Variants in SLC8B1 observed in about 807,000 individuals in gnomAD.
SLC8B1 encodes mitochondrial sodium/calcium exchanger protein.
A neutral mutation model predicts 63.4 loss-of-function variants in SLC8B1; 52 were observed. The observed-to-expected ratio is 0.82, with a 90% CI of 0.66 to 1.03. The LOEUF (loss-of-function observed/expected upper bound fraction) is 1.03. Among genes scored for constraint, SLC8B1 ranks in the 50% least tolerant of loss-of-function variants. The pLI is 0.00. For synonymous variants in SLC8B1, 336 were observed against 323.9 expected (o/e 1.04, Z -0.40); for missense variants, 657 against 741.7 (o/e 0.89, Z 1.33).
At chr12:113,309,560 T>C (rs1956726848) in intron 12 of SLC8B1, among the ~76,000 whole-genome samples, 1 of 152,074 alleles carries the variant, frequency 6.6e-6, no homozygotes, top group Admixed American at 6.6e-5. Flanking sequence ...TTGAGAGTAG[T>C]CTGGGCAACA....
Position 113,321,319 on chromosome 12 carries a change from A to G in SLC8B1, c.186T>C (p.Ser62=), listed in dbSNP as rs372252488. ...TGGTCCGGATGAAGTCACAGCGGTC[A>G]GAGACATTCAGGCCACACACCTTGC... ...DCRKVCGLNV[S]DRCDFIRTNP... The change falls in exon 3 of 16, where the codon TCT becomes TCC. Residue 62 remains serine (S), a synonymous_variant. Transcript: ENST00000680972. The G allele has an allele frequency of 1.2e-6, 2 of 1,614,124 alleles. No individual in the cohort carries two copies. The highest frequency in any genetic ancestry group is 1.3e-5 in the African/African-American group (1 of 75,032).
chr12:113,316,965 G>C lies in SLC8B1; in HGVS notation c.839C>G (p.Ser280Cys). The C allele has an allele frequency of 6.2e-7, 1 of 1,613,662 alleles. No homozygotes were observed. Reference sequence around the variant, plus strand: ...ACCGTAGTCATAGCTGTTGGTATTAGAAGATACCCGGTCCTCCTCGGAGTC... The same window carrying C: ...ACCGTAGTCATAGCTGTTGGTATTACAAGATACCCGGTCCTCCTCGGAGTC... ...LSDSEEDRVS[S>C]NTNSYDYGDE... The change falls in exon 9 of 16, where the codon TCT (serine) becomes TGT (cysteine). Residue 280 changes from serine to cysteine, a missense_variant. Transcript: ENST00000680972.
Position 113,321,201 on chromosome 12 carries a change from G to C in SLC8B1, c.304C>G (p.Leu102Val), listed in dbSNP as rs1246669201. 7 of 1,614,016 alleles carry C rather than the reference G, an allele frequency of 4.3e-6. No homozygotes were observed. Among genetic ancestry groups the C allele is most frequent in the African/African-American group, 4.0e-5 (3 of 74,944 alleles). ...PPSLLPLAVT[L>V]YVSWLLYLFL... ...CCCCCAGGGCAGGGCCTCACGTAGA[G>C]AGTGACAGCCAGAGGGAGGAGGCTG... Residue 102 changes from leucine to valine, a missense_variant, in exon 3 of 16, where the codon CTC becomes GTC. Leu to Val is a conservative substitution (Grantham distance 32, BLOSUM62 1). Coordinates refer to ENST00000680972, the MANE Select transcript of SLC8B1 (RefSeq NM_001358345.2).
chr12:113,324,639 T>C (rs1956974909), intron 2 of SLC8B1, among the ~76,000 whole-genome samples: 3 of 152,140 alleles, frequency 2.0e-5, no homozygotes, highest in African/African-American at 7.2e-5. Context: ...ACTTCTGACC[T>C]CAAGTGATCT....
chr12:113,318,498 T>C (rs1490328275), intron 8 of SLC8B1, among the ~76,000 whole-genome samples: 2 of 152,154 alleles, frequency 1.3e-5, no homozygotes, highest in Non-Finnish European at 2.9e-5. Flanking sequence ...GTGAGTTGTG[T>C]GTGTGCATGT....
chr12:113,330,872 G>C (rs1293874092), intron 2 of SLC8B1, among the ~76,000 whole-genome samples: 1 of 152,072 alleles, frequency 6.6e-6, no homozygotes, highest in Non-Finnish European at 1.5e-5. Flanking sequence ...GGCACTCCAG[G>C]GGGTCATCTT....
intron 4 of SLC8B1, 36 bp downstream of exon 4, chr12:113,321,020 T>C (rs1350480164): frequency 5.6e-6 from 9 of 1,603,028 alleles, no homozygotes; most frequent in East Asian, 2.2e-5. Context: ...CCTCCTCCCA[T>C]TGATAAGCCA....
intron 15 of SLC8B1, among the ~76,000 whole-genome samples, chr12:113,300,923 G>C (rs565764263): frequency 3.0e-4 from 45 of 152,334 alleles, no homozygotes; most frequent in Admixed American, 9.8e-4. Flanking sequence ...ATCACTTGAA[G>C]TTAGGAGTTC....
rs911520340 is a variant in SLC8B1 at position 113,319,047 on chromosome 12, T to C, written c.719A>G (p.Tyr240Cys). ...ALGYLGLYVF[Y>C]VVTVILCTWI... ...GGTGCAGAGAATCACAGTGACCACATAGAACACATACAAGCCCAGGTAACC... is the reference window on the plus strand; with the variant it reads ...GGTGCAGAGAATCACAGTGACCACACAGAACACATACAAGCCCAGGTAACC... The change falls in exon 8 of 16, where the codon TAT (tyrosine) becomes TGT (cysteine). Residue 240 changes from tyrosine (Y) to cysteine (C), a missense_variant. Physicochemically the swap from Tyr to Cys is radical, Grantham distance 194 (BLOSUM62 -2). Coordinates refer to ENST00000680972, the MANE Select transcript of SLC8B1 (RefSeq NM_001358345.2). 5 of 1,613,986 alleles carry C rather than the reference T, an allele frequency of 3.1e-6. No homozygotes were observed. The highest frequency in any genetic ancestry group is 1.7e-5 in the Admixed American group (1 of 60,010).
At chr12:113,334,049 G>C (rs1266398851) in intron 1 of SLC8B1, among the ~76,000 whole-genome samples, 1 of 152,160 alleles carries the variant, frequency 6.6e-6, no homozygotes, top group East Asian at 1.9e-4. Flanking sequence ...CAGCAAGAGG[G>C]TCACAGAGCC....
chr12:113,332,596 T>C, intron 2 of SLC8B1, 127 bp downstream of exon 2: 1 of 1,138,582 alleles, frequency 8.8e-7, no homozygotes, highest in Admixed American at 3.0e-5. Context: ...GTGAATTTTG[T>C]CTCTATTGTT....
At chr12:113,304,472 G>A in intron 14 of SLC8B1, 87 bp from the exon 15 acceptor site, 2 of 1,274,528 alleles carry the variant, frequency 1.6e-6, no homozygotes, top group Non-Finnish European at 2.3e-6. Flanking sequence ...TTCATCCCCA[G>A]GGCTTGGGAT....
Position 113,321,187 on chromosome 12 carries a change from G to A in SLC8B1, c.309+9C>T. The A allele has an allele frequency of 6.2e-7, 1 of 1,614,080 alleles. No homozygotes were observed. Among genetic ancestry groups the A allele is most frequent in the Non-Finnish European group, 8.5e-7 (1 of 1,179,946 alleles). On this transcript the variant is annotated intron_variant, in intron 3 of 15. Coordinates refer to ENST00000680972, the MANE Select transcript of SLC8B1 (RefSeq NM_001358345.2). Reference sequence around the variant, plus strand: ...CCCCTCTCACCAGCCCCCCAGGGCAGGGCCTCACGTAGAGAGTGACAGCCA... The same window carrying A: ...CCCCTCTCACCAGCCCCCCAGGGCAAGGCCTCACGTAGAGAGTGACAGCCA...
chr12:113,332,210 C>A (rs1377778271), intron 2 of SLC8B1, among the ~76,000 whole-genome samples: 1 of 152,214 alleles, frequency 6.6e-6, no homozygotes, highest in African/African-American at 2.4e-5. Context: ...CTCCCCCATA[C>A]CACTTTAGCT....
chr12:113,332,604 G>T, intron 2 of SLC8B1, 119 bp downstream of exon 2: 1 of 1,231,170 alleles, frequency 8.1e-7, no homozygotes, highest in Non-Finnish European at 1.1e-6. Flanking sequence ...TGTCTCTATT[G>T]TTCCCCGGTA....
chr12:113,334,136 C>T (rs75711507), intron 1 of SLC8B1, among the ~76,000 whole-genome samples: 3 of 152,156 alleles, frequency 2.0e-5, no homozygotes, highest in Non-Finnish European at 4.4e-5. Context: ...GCAGTGGGGC[C>T]GGGCTGGTCA....
At chr12:113,333,023 G>T (rs1169199050) in intron 1 of SLC8B1, 63 bp from the exon 2 acceptor site, 7 of 1,020,398 alleles carry the variant, frequency 6.9e-6, no homozygotes, top group Non-Finnish European at 9.7e-6. Flanking sequence ...CAGCAAAAGG[G>T]GCTGGAAGAC....
Position 113,320,855 on chromosome 12 carries a change from CGTTG to C in SLC8B1, c.411_414del (p.His137GlnfsTer78). ...GACACTGGACAAAAGGATACTGCCACGTTGTGGGAGAGCTTCAGTGTGGTAGAAA... is the reference window on the plus strand; with the variant it reads ...GACACTGGACAAAAGGATACTGCCACTGGGAGAGCTTCAGTGTGGTAGAAA... On this transcript the variant is annotated frameshift_variant, in exon 5 of 16. Transcript: ENST00000680972. LOFTEE classifies it high-confidence loss of function. The surrounding 1 kb of genome is among the most constrained non-coding windows in gnomAD (Gnocchi z 5.3). The C allele has an allele frequency of 6.2e-7, 1 of 1,604,052 alleles. No homozygotes were observed. The highest frequency in any genetic ancestry group is 8.5e-7 in the Non-Finnish European group (1 of 1,176,412).
chr12:113,321,585 T>G (rs1267776353), intron 2 of SLC8B1, among the ~76,000 whole-genome samples: 11 of 152,154 alleles, frequency 7.2e-5, no homozygotes, highest in Non-Finnish European at 1.6e-4. Context: ...ATAAGATTTC[T>G]AAATTCCGCT....
Sources: allele counts gnomAD v4.1 joint callset (sites outside exome capture counted in the v4.1 genomes callset), GRCh38; gene constraint gnomAD v4.1.1; non-coding constraint Gnocchi (gnomAD v3.1); transcripts MANE v1.5; gene names NCBI Gene and HGNC (gene_info 2026-07-23, HGNC 2026-07-21).